IKBIP: variants seen among roughly 807,000 people sequenced by gnomAD.
IKBIP encodes IKBKB interacting protein, also known as inhibitor of nuclear factor kappa-B kinase-interacting protein.
A neutral mutation model predicts 31.0 loss-of-function variants in IKBIP; 28 were observed. The ratio of observed to expected loss-of-function variants is 0.90; its 90% CI spans 0.67 to 1.24. The LOEUF is 1.24. IKBIP is among the 50% of genes most tolerant of loss of function. The pLI, the probability that IKBIP is intolerant of heterozygous loss-of-function variation, is 0.00. For synonymous variants in IKBIP, 164 were observed against 160.3 expected (o/e 1.02, Z -0.17); for missense variants, 453 against 441.9 (o/e 1.03, Z -0.23).
chr12:98,613,939 A>G (rs1424775386), exon 3 of IKBIP: 24 of 1,613,776 alleles, frequency 1.5e-5, no homozygotes, highest in Non-Finnish European at 1.9e-5. Context: ...GTGAATTTTC[A>G]GATGCTGTCT....
chr12:98,626,524 T>A lies in IKBIP; in HGVS notation c.540A>T (p.Ile180=), dbSNP rs1410195992. 4 of 1,613,086 alleles carry A rather than the reference T, an allele frequency of 2.5e-6. No homozygotes were observed. The Admixed American group carries it at 5.0e-5, about 20-fold the overall frequency. Residue 180 remains isoleucine, a synonymous_variant, in exon 3 of 3, where the codon ATA becomes ATT. Coordinates refer to ENST00000299157, the MANE Select transcript of IKBIP (RefSeq NM_153687.4). The part of the protein sequence containing the change: ...TDIFKSEAKH[I]HSQVTVQINS... The stretch of plus-strand genomic sequence containing the variant: ...TAATTTGGACAGTTACTTGAGAATG[T>A]ATATGTTTTGCTTCTGATTTGAAAA...
Position 98,644,464 on chromosome 12 carries a change from G to A in IKBIP, c.179+59C>T, listed in dbSNP as rs553504857. 109 of 1,484,440 alleles carry A rather than the reference G, an allele frequency of 7.3e-5. 1 individual carries two copies. The Admixed American group carries it at 2.4e-3, about 32-fold the overall frequency. The allele number at this position is 1,484,440 out of a possible 1,614,324, so 92.0% of individuals were successfully genotyped here. ...TCCGGCTGGATGTTGAGCCGGGTGG[G>A]AGCCCAAACAGCAGGGGGCCCACAG... On this transcript the variant is annotated intron_variant, in intron 1 of 2. Coordinates refer to ENST00000299157, the MANE Select transcript of IKBIP (RefSeq NM_153687.4).
At chr12:98,644,491 A>G (rs1158076261) in intron 1 of IKBIP, 32 bp downstream of exon 1, 2 of 1,544,388 alleles carry the variant, frequency 1.3e-6, no homozygotes, top group Non-Finnish European at 1.7e-6. Flanking sequence ...GGCCCACAGG[A>G]GGCCGGCCCA....
chr12:98,640,860 C>G (rs1490081016), intron 1 of IKBIP, among the ~76,000 whole-genome samples: 3 of 151,964 alleles, frequency 2.0e-5, no homozygotes, highest in African/African-American at 7.3e-5. Context: ...TTCCGGGGCT[C>G]AAGCAATCCT....
At chr12:98,613,500 A>C (rs2097604392) in exon 3 of IKBIP, 1 of 676,614 alleles carries the variant, frequency 1.5e-6, no homozygotes, top group Non-Finnish European at 2.4e-6. Flanking sequence ...TTTTGCTCCA[A>C]AATATCATTA....
At position 98,625,432 on chromosome 12, in the gene IKBIP, A is replaced by AT. The variant is rs1212044598; in HGVS notation, c.*497dup. ...AATTCCCATGAACTTGGTTGTGTGG[A>AT]TTCTTAACCTGCAGTGAATTACCTA... On this transcript the variant is annotated 3_prime_UTR_variant, in exon 3 of 3. Transcript: ENST00000299157. 2.5e-6 allele frequency: 1 copy of AT among 405,822 alleles called. No individual in the cohort carries two copies. The highest frequency in any genetic ancestry group is 6.4e-5 in the Admixed American group (1 of 15,534). 25.1% of individuals were successfully genotyped at this position (405,822 alleles called of 1,614,324 possible). A position where few individuals can be genotyped will look rare whatever the true frequency, so the allele number is the denominator to read the frequency against.
At chr12:98,627,439 C>CTTTTTT (rs11314734) in intron 2 of IKBIP, among the ~76,000 whole-genome samples, 3 of 119,632 alleles carry the variant, frequency 2.5e-5, no homozygotes, top group Non-Finnish European at 3.5e-5. Flanking sequence ...TTTTCTTTTT[C>CTTTTTT]TTTTTTTTTT....
At chr12:98,643,805 T>A (rs984649357) in intron 1 of IKBIP, among the ~76,000 whole-genome samples, 3 of 148,508 alleles carry the variant, frequency 2.0e-5, no homozygotes, top group Non-Finnish European at 4.4e-5. Flanking sequence ...GGGAGCATAA[T>A]GATATGGTTT....
chr12:98,623,389 G>A (rs529933350), downstream of IKBIP, among the ~76,000 whole-genome samples: 61 of 150,420 alleles, frequency 4.1e-4, 1 homozygote, highest in Admixed American at 1.2e-3. Context: ...CTCCTGCGTC[G>A]CTAGGACTAC....
chr12:98,624,163 G>GA, downstream of IKBIP: 1 of 517,158 alleles, frequency 1.9e-6, no homozygotes, highest in Non-Finnish European at 2.5e-6. Context: ...TGATCGGTGA[G>GA]AAAAAAATAT....
chr12:98,629,919 G>A (rs577895857), intron 2 of IKBIP, among the ~76,000 whole-genome samples: 2 of 152,196 alleles, frequency 1.3e-5, no homozygotes, highest in East Asian at 3.9e-4. Flanking sequence ...TATTCTAATC[G>A]TTTTTCATTT....
chr12:98,625,910 T>C lies in IKBIP; in HGVS notation c.*20A>G. The C allele has an allele frequency of 1.5e-6, 2 of 1,378,370 alleles. No homozygotes were observed. Among genetic ancestry groups the C allele is most frequent in the South Asian group, 1.9e-5 (1 of 53,998 alleles). The allele number at this position is 1,378,370 out of a possible 1,614,324, so 85.4% of individuals were successfully genotyped here. A position where few individuals can be genotyped will look rare whatever the true frequency, so the allele number is the denominator to read the frequency against. ...AATTTATGTATAATGATATGGTTCA[T>C]CAGAATAAATGTCATGAATTTAAAA... On this transcript the variant is annotated 3_prime_UTR_variant, in exon 3 of 3. Transcript: ENST00000299157.
At position 98,624,893 on chromosome 12, in the gene IKBIP, C is replaced by T. The variant is rs1041424317; in HGVS notation, c.*1037G>A. On this transcript the variant is annotated 3_prime_UTR_variant, in exon 3 of 3. Transcript: ENST00000299157. ...GATCTCGGCTCACTGCAAGCTCTGC[C>T]TCCCGGGTTCACACCATTCTCCTGC... 20 of 379,872 alleles carry T rather than the reference C, an allele frequency of 5.3e-5. No homozygotes were observed. The highest frequency in any genetic ancestry group is 6.4e-5 in the Admixed American group (1 of 15,512). The allele number at this position is 379,872 out of a possible 1,614,324, so 23.5% of individuals were successfully genotyped here. A position where few individuals can be genotyped will look rare whatever the true frequency, so the allele number is the denominator to read the frequency against.
Position 98,627,279 on chromosome 12 carries a change from T to TAAA in IKBIP, c.298-516_298-514dup, listed in dbSNP as rs11412272. Among the ~76,000 whole-genome samples, 8 of 142,922 alleles carry TAAA rather than the reference T, an allele frequency of 5.6e-5. No individual in the cohort carries two copies. In the East Asian group the frequency reaches 6.1e-4, roughly 11 times the overall value. The allele number at this position is 142,922 out of a possible 152,430, so 93.8% of individuals were successfully genotyped here. ...CTGCCGCGCCTGGCCAGCACTATGT[T>TAAA]AAAAAAAAAAAAAAATACACCTGAA... On this transcript the variant is annotated intron_variant, in intron 2 of 2. Transcript: ENST00000299157.
intron 2 of IKBIP, among the ~76,000 whole-genome samples, chr12:98,630,085 A>G (rs897358105): frequency 1.3e-5 from 2 of 151,884 alleles, no homozygotes; most frequent in Admixed American, 1.3e-4. Flanking sequence ...ATTTTTTCTT[A>G]AAGAAAGAGC....
chr12:98,621,069 G>A (rs1305230317), downstream of IKBIP, among the ~76,000 whole-genome samples: 6 of 152,060 alleles, frequency 3.9e-5, no homozygotes. Context: ...CCAACCTGGT[G>A]AAACCCCATC....
At chr12:98,621,960 C>T (rs1015971048), downstream of IKBIP, among the ~76,000 whole-genome samples, 1 of 151,892 alleles carries the variant, frequency 6.6e-6, no homozygotes, top group Non-Finnish European at 1.5e-5. Context: ...CCTGTAGTCT[C>T]AGCTACTCGG....
chr12:98,632,499 AAAAAAAAAAAAAAATAT>A lies in IKBIP; in HGVS notation c.297+1780_297+1796del, dbSNP rs1205642449. On this transcript the variant is annotated intron_variant, in intron 2 of 2. Transcript: ENST00000299157. ...ACTCTATCTGAAAAAAAAAAAAAAAAAAAAAAAAAAAAAATATATATATATATATATATATATATATA... is the reference window on the plus strand; with the variant it reads ...ACTCTATCTGAAAAAAAAAAAAAAAAATATATATATATATATATATATATA... 1.3e-3 allele frequency among the ~76,000 whole-genome samples: 82 copies of A among 64,698 alleles called. 1 individual carries two copies. Among genetic ancestry groups the A allele is most frequent in the African/African-American group, 4.9e-3 (78 of 15,906 alleles). 42.4% of individuals were successfully genotyped at this position (64,698 alleles called of 152,430 possible).
intron 1 of IKBIP, among the ~76,000 whole-genome samples, chr12:98,635,068 C>T (rs1291270104): frequency 6.7e-5 from 10 of 149,960 alleles, no homozygotes; most frequent in Non-Finnish European, 8.9e-5. Context: ...TGCAATGGCA[C>T]GATCTCGGTT....
Sources: gnomAD v4.1 joint callset for allele counts (sites outside exome capture counted in the v4.1 genomes callset) on GRCh38, gnomAD v4.1.1 for gene constraint, MANE v1.5 for transcripts, NCBI Gene and HGNC (gene_info 2026-07-23, HGNC 2026-07-21) for gene names.